Variants in KIAA1328 observed in about 807,000 individuals in gnomAD.
KIAA1328 encodes the protein KIAA1328, also known as protein hinderin.
Under a neutral mutation model 68.1 loss-of-function variants are expected in KIAA1328, and 52 were observed. The ratio of observed to expected loss-of-function variants is 0.76; its 90% CI spans 0.61 to 0.96. The LOEUF (loss-of-function observed/expected upper bound fraction) is 0.96, where lower values mean the gene tolerates loss of function less well. Among genes scored for constraint, KIAA1328 ranks in the 40% least tolerant of loss-of-function variants. The probability of loss-of-function intolerance (pLI) is 0.00; values close to 1 mark genes in which losing one functional copy is unlikely to be tolerated. For missense variants in KIAA1328, 641 were observed against 677.6 expected (o/e 0.95, Z 0.60); for synonymous variants, 232 against 239.4 (o/e 0.97, Z 0.28).
At chr18:36,867,146 G>A (rs2047781848) in intron 4 of KIAA1328, among the ~76,000 whole-genome samples, 3 of 152,128 alleles carry the variant, frequency 2.0e-5, no homozygotes, top group Admixed American at 2.0e-4. Flanking sequence ...GGATCATGGG[G>A]GTGGATTTCT....
chr18:36,947,279 T>C lies in KIAA1328; in HGVS notation c.449-12029T>C, dbSNP rs183141585. Among the ~76,000 whole-genome samples, 176 of 152,348 alleles carry C rather than the reference T, an allele frequency of 1.2e-3. 2 individuals carry two copies. The highest frequency in any genetic ancestry group is 3.9e-3 in the African/African-American group (163 of 41,588). On this transcript the variant is annotated intron_variant, in intron 5 of 9. Coordinates refer to ENST00000280020, the MANE Select transcript of KIAA1328 (RefSeq NM_020776.3). ...CTGTAAAACATTTAAGGAGGCTTAT[T>C]ATGTGCCAAATATGGGTGACCAAGG...
intron 7 of KIAA1328, among the ~76,000 whole-genome samples, chr18:37,074,153 C>T (rs1053972621): frequency 4.6e-5 from 7 of 152,130 alleles, no homozygotes; most frequent in Non-Finnish European, 5.9e-5. Flanking sequence ...AGTTTTTTGT[C>T]GATATAGACT....
rs79019549 is a variant in KIAA1328 at position 36,855,722 on chromosome 18, G to A, written c.332+11420G>A. 2.6e-3 allele frequency among the ~76,000 whole-genome samples: 396 copies of A among 151,272 alleles called. 13 individuals are homozygous for A. In the East Asian group the frequency reaches 0.067, roughly 25 times the overall value. ...CTAGTGTCAGATATAAGAATCTGTTGCAAAATCCAAGGTCATGAAGATTTA... is the reference window on the plus strand; with the variant it reads ...CTAGTGTCAGATATAAGAATCTGTTACAAAATCCAAGGTCATGAAGATTTA... On this transcript the variant is annotated intron_variant, in intron 4 of 9. Transcript: ENST00000280020.
Position 36,983,721 on chromosome 18 carries a change from A to C in KIAA1328, c.576+24286A>C, listed in dbSNP as rs1003621613. On this transcript the variant is annotated intron_variant, in intron 6 of 9. Transcript: ENST00000280020. ...AAGGAAGAAATACTCTATTTTCTAC[A>C]TAAAGTCTTCCAGAAAATTATAGAA... Among the ~76,000 whole-genome samples the C allele has an allele frequency of 3.0e-4, 45 of 152,130 alleles. 1 individual carries two copies. Among genetic ancestry groups the C allele is most frequent in the Admixed American group, 2.4e-3 (37 of 15,268 alleles).
At chr18:36,980,841 C>G (rs547281716) in intron 6 of KIAA1328, among the ~76,000 whole-genome samples, 1 of 152,182 alleles carries the variant, frequency 6.6e-6, no homozygotes, top group East Asian at 1.9e-4. Context: ...CACAAGCTCT[C>G]CTTGCCTGCC....
At chr18:36,961,723 A>T (rs886832813) in intron 6 of KIAA1328, among the ~76,000 whole-genome samples, 6 of 152,188 alleles carry the variant, frequency 3.9e-5, no homozygotes, top group African/African-American at 1.4e-4. Context: ...ACTAAGCTTC[A>T]TAAGTGAAGG....
intron 7 of KIAA1328, among the ~76,000 whole-genome samples, chr18:37,114,683 G>A (rs958395868): frequency 6.6e-6 from 1 of 152,188 alleles, no homozygotes; most frequent in African/African-American, 2.4e-5. Flanking sequence ...AGGAGACAGA[G>A]ACACAAACAA....
At chr18:36,946,192 G>A (rs1428742400) in intron 5 of KIAA1328, 1 of 152,044 alleles carries the variant, frequency 6.6e-6, no homozygotes, top group African/African-American at 2.4e-5. Context: ...GAAGAAAGTG[G>A]ATTATTTTAC....
intron 5 of KIAA1328, among the ~76,000 whole-genome samples, chr18:36,918,622 C>T (rs1304368405): frequency 6.6e-6 from 1 of 152,028 alleles, no homozygotes; most frequent in African/African-American, 2.4e-5. Flanking sequence ...ACCATGTGGG[C>T]CAGGCTGGTT....
At chr18:37,025,909 C>T (rs2054556496) in intron 6 of KIAA1328, among the ~76,000 whole-genome samples, 1 of 152,046 alleles carries the variant, frequency 6.6e-6, no homozygotes, top group Non-Finnish European at 1.5e-5. Flanking sequence ...CACAAAAAAC[C>T]CTTCAAAAAA....
At position 37,051,005 on chromosome 18, in the gene KIAA1328, G is replaced by A. The variant is rs534187484; in HGVS notation, c.577-15885G>A. Among the ~76,000 whole-genome samples, 45 of 152,206 alleles carry A rather than the reference G, an allele frequency of 3.0e-4. No individual in the cohort carries two copies. In the South Asian group the frequency reaches 7.2e-3, roughly 25 times the overall value. On this transcript the variant is annotated intron_variant, in intron 6 of 9. Transcript: ENST00000280020. ...TACAAATGACTAAACATGCTTAAGA[G>A]AGGTAAAGGGACTTACCTAAAACAA...
intron 6 of KIAA1328, among the ~76,000 whole-genome samples, chr18:37,006,572 A>G (rs963504514): frequency 6.6e-6 from 1 of 151,894 alleles, no homozygotes; most frequent in East Asian, 1.9e-4. Flanking sequence ...CATGTGCACA[A>G]TGTGCAGGTT....
chr18:36,909,038 A>G (rs2049326217), intron 5 of KIAA1328, among the ~76,000 whole-genome samples: 1 of 152,094 alleles, frequency 6.6e-6, no homozygotes, highest in African/African-American at 2.4e-5. Context: ...CAAATTTTCC[A>G]CATGGCTTTG....
chr18:36,850,002 G>A (rs1455144660), intron 4 of KIAA1328, among the ~76,000 whole-genome samples: 2 of 152,062 alleles, frequency 1.3e-5, no homozygotes, highest in Non-Finnish European at 2.9e-5. Context: ...CCTCTTTGAA[G>A]AAATGTCTAT....
rs561721923 is a variant in KIAA1328, at chr18:37,225,008, C to T, written c.*2781C>T. On this transcript the variant is annotated 3_prime_UTR_variant, in exon 10 of 10. Coordinates refer to ENST00000280020, the MANE Select transcript of KIAA1328 (RefSeq NM_020776.3). ...GAGGCAAACTTGTGTTTATCCAAAC[C>T]TGATCCCCATGATGGGGACTTTTCT... is the stretch of plus-strand genomic sequence containing the variant. The T allele has an allele frequency of 5.7e-5, 56 of 985,324 alleles. No individual in the cohort carries two copies. The highest frequency in any genetic ancestry group is 3.1e-4 in the Admixed American group (5 of 16,268). 61.0% of individuals were successfully genotyped at this position (985,324 alleles called of 1,614,324 possible). A position where few individuals can be genotyped will look rare whatever the true frequency, so the allele number is the denominator to read the frequency against.
chr18:36,837,011 A>G (rs548305716), intron 3 of KIAA1328, among the ~76,000 whole-genome samples: 1 of 152,260 alleles, frequency 6.6e-6, no homozygotes, highest in Admixed American at 6.5e-5. Flanking sequence ...TTTATCAGTC[A>G]ATGGACATGT....
intron 5 of KIAA1328, among the ~76,000 whole-genome samples, chr18:36,896,203 T>G (rs944763928): frequency 6.6e-6 from 1 of 152,188 alleles, no homozygotes; most frequent in African/African-American, 2.4e-5. Context: ...AGCTTTATTT[T>G]CTTGGTTGGG....
chr18:37,229,648 C>A, downstream of KIAA1328: 2 of 897,152 alleles, frequency 2.2e-6, no homozygotes, highest in Non-Finnish European at 3.1e-6. Context: ...GCCGAGGCAG[C>A]CGGATCATGA....
chr18:37,157,636 C>G (rs2059180493), intron 7 of KIAA1328, among the ~76,000 whole-genome samples: 1 of 151,470 alleles, frequency 6.6e-6, no homozygotes, highest in African/African-American at 2.4e-5. Context: ...ATAGTGAAAC[C>G]CCATCTCTAC....
Sources: gnomAD v4.1 joint callset for allele counts (sites outside exome capture counted in the v4.1 genomes callset) on GRCh38, gnomAD v4.1.1 for gene constraint, MANE v1.5 for transcripts, NCBI Gene and HGNC (gene_info 2026-07-23, HGNC 2026-07-21) for gene names.